Variants in NRG3 observed in about 807,000 individuals in gnomAD.
The protein encoded by NRG3 is pro-neuregulin-3, membrane-bound isoform.
A neutral mutation model predicts 66.9 loss-of-function variants in NRG3; 31 were observed. That is an observed-to-expected ratio of 0.46 (90% CI 0.35 to 0.63). The LOEUF is 0.63. Among genes scored for constraint, NRG3 ranks in the 20% least tolerant of loss-of-function variants. The pLI is 0.00. For synonymous variants in NRG3, 393 were observed against 359.4 expected, an observed-to-expected ratio of 1.09 and a Z score of -1.06; for missense variants, 910 against 878.9, an observed-to-expected ratio of 1.04 and a Z score of -0.45.
intron 1 of NRG3, among the ~76,000 whole-genome samples, chr10:81,900,023 C>G (rs191783095): frequency 1.5e-3 from 234 of 151,462 alleles, no homozygotes; most frequent in African/African-American, 5.3e-3. Context: ...GTCGCCCAGG[C>G]TAGAATCTCC....
intron 1 of NRG3, among the ~76,000 whole-genome samples, chr10:82,228,710 G>T (rs569853340): frequency 6.6e-6 from 1 of 152,254 alleles, no homozygotes; most frequent in South Asian, 2.1e-4. Context: ...TAACTAGAAG[G>T]AAATTCAACC....
At chr10:82,096,584 CAAAG>C in intron 1 of NRG3, among the ~76,000 whole-genome samples, 1 of 151,728 alleles carries the variant, frequency 6.6e-6, no homozygotes, top group South Asian at 2.1e-4. Flanking sequence ...AAGAGATGAA[CAAAG>C]AGAGTGAGAA....
intron 3 of NRG3, among the ~76,000 whole-genome samples, chr10:82,843,823 G>A (rs1038825218): frequency 6.6e-6 from 1 of 152,132 alleles, no homozygotes; most frequent in African/African-American, 2.4e-5. Flanking sequence ...AGGTTAATGG[G>A]ATGAATCAGG....
At chr10:81,977,272 T>C (rs1481272311) in intron 1 of NRG3, among the ~76,000 whole-genome samples, 1 of 152,162 alleles carries the variant, frequency 6.6e-6, no homozygotes, top group Admixed American at 6.5e-5. Context: ...TTAATGTCTG[T>C]CTACTGCAGT....
rs371168051 is a variant in NRG3 at position 82,917,262 on chromosome 10, G to T, written c.1055-34207G>T. On this transcript the variant is annotated intron_variant, in intron 4 of 8. Transcript: ENST00000372141. ...GCCAGAGTGGCTGAACAAGCTCACA[G>T]AACTATCATTCCCTAGCTCAGGTTA... Among the ~76,000 whole-genome samples the T allele has an allele frequency of 3.3e-5, 5 of 152,314 alleles. No individual in the cohort carries two copies. The South Asian group carries it at 6.2e-4, about 19-fold the overall frequency.
intron 1 of NRG3, among the ~76,000 whole-genome samples, chr10:81,909,468 A>T (rs748401853): frequency 9.2e-5 from 14 of 152,054 alleles, no homozygotes; most frequent in Non-Finnish European, 1.6e-4. Context: ...GGTGTTGGTG[A>T]TATTGATGGT....
chr10:82,218,031 C>T (rs1401018697), intron 1 of NRG3, among the ~76,000 whole-genome samples: 1 of 151,954 alleles, frequency 6.6e-6, no homozygotes, highest in Non-Finnish European at 1.5e-5. Context: ...CATTCTAGTA[C>T]TGTATAATCT....
intron 3 of NRG3, among the ~76,000 whole-genome samples, chr10:82,808,794 A>G (rs2061385059): frequency 6.6e-6 from 1 of 152,234 alleles, no homozygotes; most frequent in Non-Finnish European, 1.5e-5. Context: ...GTCCTGGGAT[A>G]AGATGATAAA....
At chr10:82,584,059 A>G (rs1178548548) in intron 2 of NRG3, among the ~76,000 whole-genome samples, 2 of 152,136 alleles carry the variant, frequency 1.3e-5, no homozygotes, top group African/African-American at 4.8e-5. Context: ...TAAGGCAAAT[A>G]CGTTTTTGTT....
intron 1 of NRG3, among the ~76,000 whole-genome samples, chr10:82,218,841 T>C (rs922911852): frequency 9.9e-5 from 15 of 151,678 alleles, no homozygotes; most frequent in African/African-American, 3.4e-4. Context: ...GGATTCAAAG[T>C]AAGGGCTAGA....
intron 1 of NRG3, among the ~76,000 whole-genome samples, chr10:81,993,524 T>G (rs1334480793): frequency 2.0e-5 from 3 of 152,190 alleles, no homozygotes; most frequent in East Asian, 3.9e-4. Context: ...TTTAATTTTT[T>G]TTTGTAGAGA....
chr10:82,896,865 A>G (rs1843705834), intron 4 of NRG3, among the ~76,000 whole-genome samples: 1 of 152,190 alleles, frequency 6.6e-6, no homozygotes. Flanking sequence ...TTGCATTTTA[A>G]AGAAACTTAG....
chr10:82,523,389 G>GCCT lies in NRG3; in HGVS notation c.953+164521_953+164522insCCT, dbSNP rs545704804. ...ACTTTCCCACCAGCAGTACTTGAGG[G>GCCT]TTCCAATTTCTCTACATCTTTTCTA... is the stretch of plus-strand genomic sequence containing the variant. On this transcript the variant is annotated intron_variant, in intron 2 of 8. Coordinates refer to ENST00000372141, the MANE Select transcript of NRG3 (RefSeq NM_001010848.4). 8.5e-5 allele frequency among the ~76,000 whole-genome samples: 13 copies of GCCT among 152,164 alleles called. No individual in the cohort carries two copies. The South Asian group carries it at 2.5e-3, about 29-fold the overall frequency.
At chr10:82,893,849 A>G (rs1357102521) in intron 4 of NRG3, among the ~76,000 whole-genome samples, 1 of 152,240 alleles carries the variant, frequency 6.6e-6, no homozygotes, top group African/African-American at 2.4e-5. Context: ...AAAGTTAGAA[A>G]AAATGAATCA....
chr10:82,309,238 C>T (rs2134938434), intron 1 of NRG3, among the ~76,000 whole-genome samples: 1 of 152,238 alleles, frequency 6.6e-6, no homozygotes, highest in African/African-American at 2.4e-5. Context: ...CCTAATTTTG[C>T]CTATGAATGG....
intron 2 of NRG3, among the ~76,000 whole-genome samples, chr10:82,362,703 C>G (rs1051571341): frequency 1.1e-4 from 17 of 151,614 alleles, no homozygotes; most frequent in African/African-American, 3.9e-4. Flanking sequence ...AAATATAAAG[C>G]CACAGATTAT....
intron 1 of NRG3, among the ~76,000 whole-genome samples, chr10:82,248,750 C>T (rs1037823047): frequency 6.6e-6 from 1 of 152,146 alleles, no homozygotes; most frequent in Non-Finnish European, 1.5e-5. Flanking sequence ...TCACTTGCTT[C>T]CAGTACATTC....
chr10:82,076,259 G>A (rs142560457), intron 1 of NRG3, among the ~76,000 whole-genome samples: 2 of 152,242 alleles, frequency 1.3e-5, no homozygotes, highest in East Asian at 1.9e-4. Context: ...ACTGTGTCCC[G>A]CGTAACTGTA....
At chr10:82,945,801 C>A (rs1302520031) in intron 4 of NRG3, among the ~76,000 whole-genome samples, 1 of 152,134 alleles carries the variant, frequency 6.6e-6, no homozygotes, top group Non-Finnish European at 1.5e-5. Flanking sequence ...AACACAGGAA[C>A]TTTGAGGAAC....
Sources: gnomAD v4.1 joint callset for allele counts (sites outside exome capture counted in the v4.1 genomes callset) on GRCh38, gnomAD v4.1.1 for gene constraint, MANE v1.5 for transcripts, NCBI Gene and HGNC (gene_info 2026-07-23, HGNC 2026-07-21) for gene names.